The following OR4D5 variants were observed in gnomAD, a reference collection of about 807,000 sequenced individuals.
OR4D5 encodes olfactory receptor 4D5.
For missense variants in OR4D5, 390 were observed against 387.6 expected (o/e 1.01, Z -0.05); for synonymous variants, 165 against 154.0 (o/e 1.07, Z -0.53).
At position 123,940,068 on chromosome 11, in the gene OR4D5, G is replaced by A; in HGVS notation, c.452G>A (p.Gly151Glu). 3 of 1,614,142 alleles carry A rather than the reference G, an allele frequency of 1.9e-6. No individual in the cohort carries two copies. Among genetic ancestry groups the A allele is most frequent in the Non-Finnish European group, 2.5e-6 (3 of 1,180,006 alleles). The change falls in exon 1 of 1, where the codon GGG becomes GAG. Residue 151 changes from glycine (G) to glutamate (E), a missense_variant. Coordinates refer to ENST00000307033, the MANE Select transcript of OR4D5 (RefSeq NM_001001965.1). ...CALLMAASWVGGFIHSIVQIA... is the reference protein window; with the variant it reads ...CALLMAASWVEGFIHSIVQIA... ...CTCCTTATGGCAGCCTCCTGGGTGG[G>A]GGGCTTCATCCACTCCATAGTACAG...
In OR4D5 at chr11:123,939,738, G is replaced by A. The variant is rs376704203; in HGVS notation, c.122G>A (p.Gly41Glu). The A allele has an allele frequency of 3.7e-5, 60 of 1,613,862 alleles. 1 individual carries two copies. The highest frequency in any genetic ancestry group is 2.2e-5 in the East Asian group (1 of 44,896). ...GCTGTGTATTTTATGACTGTAGTGG[G>A]AAACCTTCTTATTGTGGTCATAGTG... ...FSAVYFMTVV[G>E]NLLIVVIVTS... The change falls in exon 1 of 1, where the codon GGA becomes GAA. Residue 41 changes from glycine to glutamate, a missense_variant. Gly to Glu is a moderately conservative substitution (Grantham distance 98). Transcript: ENST00000307033.
chr11:123,940,014 C>G lies in OR4D5; in HGVS notation c.398C>G (p.Thr133Arg), dbSNP rs765514978. ...YIAISQPLHY[T>R]LIMNQTVCAL... ...GCCATTTCCCAGCCCCTGCACTACA[C>G]GCTCATTATGAATCAGACTGTCTGT... The change falls in exon 1 of 1, where the codon ACG (threonine) becomes AGG (arginine). Residue 133 changes from threonine to arginine, a missense_variant. Thr to Arg is a moderately conservative substitution (Grantham distance 71). Transcript: ENST00000307033. The G allele has an allele frequency of 1.9e-6, 3 of 1,613,306 alleles. No homozygotes were observed. In the Admixed American group the frequency reaches 5.0e-5, roughly 27 times the overall value.
At position 123,939,857 on chromosome 11, in the gene OR4D5, A is replaced by T. The variant is rs750937241; in HGVS notation, c.241A>T (p.Met81Leu). Reference protein sequence around the residue: ...FCYSSITAPRMLVDLLSGNPT... With the variant: ...FCYSSITAPRLLVDLLSGNPT... ...CTACTCTTCCATCACAGCACCTAGG[A>T]TGCTGGTTGACTTGCTCTCAGGCAA... The change falls in exon 1 of 1, where the codon ATG (methionine) becomes TTG (leucine). Residue 81 changes from methionine to leucine, a missense_variant. Coordinates refer to ENST00000307033, the MANE Select transcript of OR4D5 (RefSeq NM_001001965.1). 6.2e-7 allele frequency: 1 copy of T among 1,609,266 alleles called. No individual in the cohort carries two copies. Among genetic ancestry groups the T allele is most frequent in the African/African-American group, 1.3e-5 (1 of 74,906 alleles).
chr11:123,940,479 C>A lies in OR4D5; in HGVS notation c.863C>A (p.Thr288Asn), dbSNP rs770544358. Residue 288 changes from threonine (T) to asparagine (N), a missense_variant, in exon 1 of 1, where the codon ACC (threonine) becomes AAC (asparagine). By Grantham distance (65) the Thr-to-Asn change is moderately conservative (BLOSUM62 0). Coordinates refer to ENST00000307033, the MANE Select transcript of OR4D5 (RefSeq NM_001001965.1). ...VTPMLNPAIY[T>N]LRNKEVIMAM... is the part of the protein sequence containing the mutation. ...CCCATGCTGAATCCTGCCATCTATA[C>A]CCTGAGAAACAAGGAAGTGATCATG... is the stretch of plus-strand genomic sequence containing the variant. 1.2e-5 allele frequency: 20 copies of A among 1,613,984 alleles called. No individual in the cohort carries two copies. Among genetic ancestry groups the A allele is most frequent in the South Asian group, 8.8e-5 (8 of 91,084 alleles).
Position 123,939,876 on chromosome 11 carries a change from C to T in OR4D5, c.260C>T (p.Ser87Leu). 6.2e-7 allele frequency: 1 copy of T among 1,610,732 alleles called. No homozygotes were observed. The highest frequency in any genetic ancestry group is 8.5e-7 in the Non-Finnish European group (1 of 1,178,312). The change falls in exon 1 of 1, where the codon TCA becomes TTA. Residue 87 changes from serine (S) to leucine (L), a missense_variant. Physicochemically the swap from Ser to Leu is moderately radical, Grantham distance 145 (BLOSUM62 -2). Coordinates refer to ENST00000307033, the MANE Select transcript of OR4D5 (RefSeq NM_001001965.1). ...TAPRMLVDLL[S>L]GNPTISFGGC... ...CCTAGGATGCTGGTTGACTTGCTCTCAGGCAACCCTACCATTTCCTTTGGT... is the reference window on the plus strand; with the variant it reads ...CCTAGGATGCTGGTTGACTTGCTCTTAGGCAACCCTACCATTTCCTTTGGT...
chr11:123,940,463 AATCCTGCC>A lies in OR4D5; in HGVS notation c.851_858del (p.Pro284LeufsTer?). On this transcript the variant is annotated frameshift_variant, in exon 1 of 1. Transcript: ENST00000307033. LOFTEE classifies it low-confidence loss of function (END_TRUNC). ...ATACACAATTGTCACCCCCATGCTG[AATCCTGCC>A]ATCTATACCCTGAGAAACAAGGAAG... The A allele has an allele frequency of 6.2e-7, 1 of 1,614,160 alleles. No homozygotes were observed. Among genetic ancestry groups the A allele is most frequent in the African/African-American group, 1.3e-5 (1 of 75,044 alleles).
Position 123,939,759 on chromosome 11 carries a change from T to C in OR4D5, c.143T>C (p.Ile48Thr), listed in dbSNP as rs1385504915. Residue 48 changes from isoleucine to threonine, a missense_variant, in exon 1 of 1, where the codon ATA becomes ACA. By Grantham distance (89) the Ile-to-Thr change is moderately conservative. Transcript: ENST00000307033. ...GTGGGAAACCTTCTTATTGTGGTCA[T>C]AGTGACCTCCGACCCACACCTGCAC... Reference protein sequence around the residue: ...TVVGNLLIVVIVTSDPHLHTT... With the variant: ...TVVGNLLIVVTVTSDPHLHTT... 2 of 1,613,942 alleles carry C rather than the reference T, an allele frequency of 1.2e-6. No homozygotes were observed. The highest frequency in any genetic ancestry group is 1.1e-5 in the South Asian group (1 of 91,070).
chr11:123,939,627 C>T lies in OR4D5; in HGVS notation c.11C>T (p.Ala4Val). MNP[A>V]NHSQVAGFVL... ...GGTCATACCAACCAGATGAATCCAG[C>T]AAATCATTCCCAGGTGGCAGGATTT... Residue 4 changes from alanine (A) to valine (V), a missense_variant, in exon 1 of 1, where the codon GCA (alanine) becomes GTA (valine). Coordinates refer to ENST00000307033, the MANE Select transcript of OR4D5 (RefSeq NM_001001965.1). The T allele has an allele frequency of 6.4e-7, 1 of 1,569,980 alleles. No individual in the cohort carries two copies. Among genetic ancestry groups the T allele is most frequent in the Non-Finnish European group, 8.6e-7 (1 of 1,161,576 alleles).
In OR4D5 at chr11:123,940,074, T is replaced by A; in HGVS notation, c.458T>A (p.Phe153Tyr). 1 of 1,614,154 alleles carries A rather than the reference T, an allele frequency of 6.2e-7. No homozygotes were observed. The change falls in exon 1 of 1, where the codon TTC (phenylalanine) becomes TAC (tyrosine). Residue 153 changes from phenylalanine to tyrosine, a missense_variant. Physicochemically the swap from Phe to Tyr is conservative, Grantham distance 22 (BLOSUM62 3). Transcript: ENST00000307033. Reference sequence around the variant, plus strand: ...ATGGCAGCCTCCTGGGTGGGGGGCTTCATCCACTCCATAGTACAGATTGCA... The same window carrying A: ...ATGGCAGCCTCCTGGGTGGGGGGCTACATCCACTCCATAGTACAGATTGCA... ...LLMAASWVGGFIHSIVQIALT... is the reference protein window; with the variant it reads ...LLMAASWVGGYIHSIVQIALT...
chr11:123,940,376 T>C lies in OR4D5; in HGVS notation c.760T>C (p.Cys254Arg). ...IAVVTLIFVP[C>R]IYVYTRPFRT... is the part of the protein sequence containing the mutation. ...TGTGGTGACCTTAATCTTTGTGCCT[T>C]GCATCTACGTCTATACAAGGCCTTT... Residue 254 changes from cysteine (C) to arginine (R), a missense_variant, in exon 1 of 1, where the codon TGC (cysteine) becomes CGC (arginine). Transcript: ENST00000307033. 6.2e-7 allele frequency: 1 copy of C among 1,614,176 alleles called. No homozygotes were observed. Among genetic ancestry groups the C allele is most frequent in the East Asian group, 2.2e-5 (1 of 44,882 alleles).
Position 123,940,287 on chromosome 11 carries a change from T to G in OR4D5, c.671T>G (p.Met224Arg), listed in dbSNP as rs779766665. 8 of 1,614,220 alleles carry G rather than the reference T, an allele frequency of 5.0e-6. No homozygotes were observed. The highest frequency in any genetic ancestry group is 6.8e-6 in the Non-Finnish European group (8 of 1,180,036). ...GGATCGTACACAGCACTGCTAGTCA[T>G]GCTCCGAAGCCACTCACGGGAGGGC... ...LLGSYTALLVMLRSHSREGRS... is the reference protein window; with the variant it reads ...LLGSYTALLVRLRSHSREGRS... The change falls in exon 1 of 1, where the codon ATG (methionine) becomes AGG (arginine). Residue 224 changes from methionine to arginine, a missense_variant. Coordinates refer to ENST00000307033, the MANE Select transcript of OR4D5 (RefSeq NM_001001965.1).
At position 123,940,346 on chromosome 11, in the gene OR4D5, A is replaced by G; in HGVS notation, c.730A>G (p.Ile244Val). ...GGCCCTGTCTACCTGTGCCTCTCAC[A>G]TTGCTGTGGTGACCTTAATCTTTGT... ...SKALSTCASH[I>V]AVVTLIFVPC... is the part of the protein sequence containing the mutation. The change falls in exon 1 of 1, where the codon ATT becomes GTT. Residue 244 changes from isoleucine (I) to valine (V), a missense_variant. Physicochemically the swap from Ile to Val is conservative, Grantham distance 29. Transcript: ENST00000307033. 1 of 1,614,108 alleles carries G rather than the reference A, an allele frequency of 6.2e-7. No individual in the cohort carries two copies. The highest frequency in any genetic ancestry group is 8.5e-7 in the Non-Finnish European group (1 of 1,180,006).
In OR4D5 at chr11:123,939,642, T is replaced by A. The variant is rs751618025; in HGVS notation, c.26T>A (p.Val9Glu). 3.2e-6 allele frequency: 5 copies of A among 1,581,298 alleles called. No individual in the cohort carries two copies. The highest frequency in any genetic ancestry group is 1.4e-5 in the African/African-American group (1 of 73,616). Residue 9 changes from valine (V) to glutamate (E), a missense_variant, in exon 1 of 1, where the codon GTG becomes GAG. By Grantham distance (121) the Val-to-Glu change is moderately radical. Coordinates refer to ENST00000307033, the MANE Select transcript of OR4D5 (RefSeq NM_001001965.1). ...ATGAATCCAGCAAATCATTCCCAGGTGGCAGGATTTGTTCTACTGGGGCTC... is the reference window on the plus strand; with the variant it reads ...ATGAATCCAGCAAATCATTCCCAGGAGGCAGGATTTGTTCTACTGGGGCTC... MNPANHSQ[V>E]AGFVLLGLSQ...
In OR4D5 at chr11:123,939,882, A is replaced by G. The variant is rs1402834999; in HGVS notation, c.266A>G (p.Asn89Ser). 2 of 1,611,246 alleles carry G rather than the reference A, an allele frequency of 1.2e-6. No homozygotes were observed. Among genetic ancestry groups the G allele is most frequent in the African/African-American group, 1.3e-5 (1 of 74,694 alleles). ...ATGCTGGTTGACTTGCTCTCAGGCA[A>G]CCCTACCATTTCCTTTGGTGGATGC... ...PRMLVDLLSG[N>S]PTISFGGCLT... Residue 89 changes from asparagine (N) to serine (S), a missense_variant, in exon 1 of 1, where the codon AAC (asparagine) becomes AGC (serine). Transcript: ENST00000307033.
At position 123,939,826 on chromosome 11, in the gene OR4D5, C is replaced by CT. The variant is rs1863447104; in HGVS notation, c.214dup (p.Cys72LeufsTer9). 1.2e-6 allele frequency: 2 copies of CT among 1,609,810 alleles called. No homozygotes were observed. The highest frequency in any genetic ancestry group is 1.7e-6 in the Non-Finnish European group (2 of 1,177,974). On this transcript the variant is annotated frameshift_variant, in exon 1 of 1. Transcript: ENST00000307033. LOFTEE classifies it low-confidence loss of function (END_TRUNC). ...TCTTGGGCAATCTTTCTTTCCTGGA[C>CT]TTTTGCTACTCTTCCATCACAGCAC...
rs556380144 is a variant in OR4D5 at position 123,939,754 on chromosome 11, G to T, written c.138G>T (p.Val46=). 1 of 1,613,806 alleles carries T rather than the reference G, an allele frequency of 6.2e-7. No individual in the cohort carries two copies. Among genetic ancestry groups the T allele is most frequent in the Admixed American group, 1.7e-5 (1 of 59,994 alleles). The change falls in exon 1 of 1, where the codon GTG becomes GTT. Residue 46 remains valine, a synonymous_variant. Transcript: ENST00000307033. Reference sequence around the variant, plus strand: ...CTGTAGTGGGAAACCTTCTTATTGTGGTCATAGTGACCTCCGACCCACACC... The same window carrying T: ...CTGTAGTGGGAAACCTTCTTATTGTTGTCATAGTGACCTCCGACCCACACC... The part of the protein sequence containing the change: ...FMTVVGNLLI[V]VIVTSDPHLH...
rs779387587 is a variant in OR4D5, at chr11:123,939,902, G to T, written c.286G>T (p.Gly96Ter). The T allele has an allele frequency of 6.2e-7, 1 of 1,613,242 alleles. No homozygotes were observed. Among genetic ancestry groups the T allele is most frequent in the Admixed American group, 1.7e-5 (1 of 59,976 alleles). ...LSGNPTISFG[G>*]CLTQLFFFHF... ...AGGCAACCCTACCATTTCCTTTGGT[G>T]GATGCCTGACTCAACTCTTCTTCTT... The change falls in exon 1 of 1, where the codon GGA becomes TGA. Residue 96 changes from glycine (G) to a stop codon, truncating the protein, a stop_gained. Coordinates refer to ENST00000307033, the MANE Select transcript of OR4D5 (RefSeq NM_001001965.1). LOFTEE classifies it low-confidence loss of function (END_TRUNC).
At position 123,940,561 on chromosome 11, in the gene OR4D5, A is replaced by C. The variant is rs1863458306; in HGVS notation, c.945A>C (p.Arg315Ser). 1 of 1,598,114 alleles carries C rather than the reference A, an allele frequency of 6.3e-7. No individual in the cohort carries two copies. The highest frequency in any genetic ancestry group is 8.6e-7 in the Non-Finnish European group (1 of 1,168,966). ...KKDPIGPLEH[R>S]PLH ...ACCCTATTGGTCCCCTGGAGCACAG[A>C]CCCTTACATTAGCAGAGGCAGTGAC... Residue 315 changes from arginine (R) to serine (S), a missense_variant, in exon 1 of 1, where the codon AGA (arginine) becomes AGC (serine). Arg to Ser is a moderately radical substitution (Grantham distance 110). Transcript: ENST00000307033.
chr11:123,940,038 G>C lies in OR4D5; in HGVS notation c.422G>C (p.Cys141Ser). 1 of 1,613,944 alleles carries C rather than the reference G, an allele frequency of 6.2e-7. No individual in the cohort carries two copies. The highest frequency in any genetic ancestry group is 8.5e-7 in the Non-Finnish European group (1 of 1,179,926). ...ACGCTCATTATGAATCAGACTGTCT[G>C]TGCACTCCTTATGGCAGCCTCCTGG... Reference protein sequence around the residue: ...HYTLIMNQTVCALLMAASWVG... With the variant: ...HYTLIMNQTVSALLMAASWVG... The change falls in exon 1 of 1, where the codon TGT (cysteine) becomes TCT (serine). Residue 141 changes from cysteine (C) to serine (S), a missense_variant. Physicochemically the swap from Cys to Ser is moderately radical, Grantham distance 112 (BLOSUM62 -1). Transcript: ENST00000307033.
Sources: allele counts gnomAD v4.1 joint callset, GRCh38; gene constraint gnomAD v4.1.1; transcripts MANE v1.5; gene names NCBI Gene and HGNC (gene_info 2026-07-23, HGNC 2026-07-21).